WWOX: variants seen among roughly 807,000 people sequenced by gnomAD.
WWOX encodes WW domain-containing oxidoreductase.
Under a neutral mutation model 46.2 loss-of-function variants are expected in WWOX, and 69 were observed. The ratio of observed to expected loss-of-function variants is 1.49; its 90% CI spans 1.23 to 1.82. The LOEUF (loss-of-function observed/expected upper bound fraction) is 1.82. Ranked by LOEUF, WWOX falls within the 40% of genes most tolerant of loss-of-function variation. The pLI is 0.00. For missense variants in WWOX, 919 were observed against 542.6 expected (o/e 1.69, Z -6.89); for synonymous variants, 359 against 202.6 (o/e 1.77, Z -6.56).
chr16:78,515,548 C>T (rs1423198881), intron 8 of WWOX, among the ~76,000 whole-genome samples: 1 of 152,142 alleles, frequency 6.6e-6, no homozygotes, highest in Non-Finnish European at 1.5e-5. Flanking sequence ...TGTCTATGAA[C>T]GTTTTTAGAA....
At chr16:78,551,497 C>G (rs1000293572) in intron 8 of WWOX, 2 of 152,290 alleles carry the variant, frequency 1.3e-5, no homozygotes, top group Admixed American at 6.5e-5. Flanking sequence ...TGCAGGGAGG[C>G]TGGGCTAAGG....
At chr16:79,207,057 A>T (rs1335684010) in intron 8 of WWOX, among the ~76,000 whole-genome samples, 1 of 152,158 alleles carries the variant, frequency 6.6e-6, no homozygotes, top group Non-Finnish European at 1.5e-5. Flanking sequence ...GAGAGTGGTT[A>T]TAGCCTCTCC....
At chr16:78,928,086 C>T (rs74995582) in intron 8 of WWOX, among the ~76,000 whole-genome samples, 2 of 152,050 alleles carry the variant, frequency 1.3e-5, no homozygotes, top group African/African-American at 2.4e-5. Flanking sequence ...GTCGCCTGGA[C>T]TTCAAAAGCC....
intron 8 of WWOX, among the ~76,000 whole-genome samples, chr16:79,055,041 A>G (rs896457646): frequency 6.6e-6 from 1 of 152,218 alleles, no homozygotes; most frequent in African/African-American, 2.4e-5. Context: ...TGGAGTTTAT[A>G]TATTTCGTCA....
chr16:78,558,606 T>G (rs1341802826), intron 8 of WWOX, among the ~76,000 whole-genome samples: 1 of 152,244 alleles, frequency 6.6e-6, no homozygotes, highest in African/African-American at 2.4e-5. Flanking sequence ...TGGAGATTTC[T>G]GTTATGCTCA....
At chr16:78,703,124 G>A (rs2142301040) in intron 8 of WWOX, among the ~76,000 whole-genome samples, 1 of 152,270 alleles carries the variant, frequency 6.6e-6, no homozygotes, top group South Asian at 2.1e-4. Context: ...TTAGTCAGGA[G>A]GCAAATCAAG....
At chr16:78,446,465 T>G (rs139142218) in intron 8 of WWOX, among the ~76,000 whole-genome samples, 1 of 152,260 alleles carries the variant, frequency 6.6e-6, no homozygotes, top group African/African-American at 2.4e-5. Context: ...CTGGAAAGAC[T>G]TGGAAGCATT....
intron 5 of WWOX, among the ~76,000 whole-genome samples, chr16:78,176,112 A>G (rs1049225847): frequency 1.3e-5 from 2 of 152,354 alleles, no homozygotes; most frequent in Non-Finnish European, 2.9e-5. Flanking sequence ...TATTGAAGGC[A>G]GAATCTTCCT....
intron 8 of WWOX, among the ~76,000 whole-genome samples, chr16:78,722,600 A>G (rs1357801807): frequency 6.6e-6 from 1 of 151,554 alleles, no homozygotes; most frequent in Non-Finnish European, 1.5e-5. Flanking sequence ...TGTGATGACT[A>G]TGTGAGCTTA....
chr16:78,290,864 A>G (rs1260377562), intron 5 of WWOX, among the ~76,000 whole-genome samples: 1 of 152,196 alleles, frequency 6.6e-6, no homozygotes, highest in African/African-American at 2.4e-5. Flanking sequence ...TCATAGGAGA[A>G]AGTTATGAGA....
At chr16:78,914,339 A>T (rs560456623) in intron 8 of WWOX, among the ~76,000 whole-genome samples, 1 of 152,180 alleles carries the variant, frequency 6.6e-6, no homozygotes, top group East Asian at 1.9e-4. Context: ...TGTCTTCAGC[A>T]CTTAGAACAG....
At chr16:79,009,211 G>A (rs547938638) in intron 8 of WWOX, among the ~76,000 whole-genome samples, 1 of 152,208 alleles carries the variant, frequency 6.6e-6, no homozygotes, top group Non-Finnish European at 1.5e-5. Flanking sequence ...GGAAGATGAT[G>A]TGAATGCCAG....
intron 8 of WWOX, among the ~76,000 whole-genome samples, chr16:78,631,949 G>C (rs1482610794): frequency 6.7e-6 from 1 of 148,718 alleles, no homozygotes; most frequent in Non-Finnish European, 1.5e-5. Flanking sequence ...AGTGATTGGA[G>C]GTGGTTTATT....
chr16:78,994,916 G>A (rs1265152650), intron 8 of WWOX, among the ~76,000 whole-genome samples: 2 of 151,302 alleles, frequency 1.3e-5, no homozygotes, highest in East Asian at 3.9e-4. Flanking sequence ...ACACTGGAAG[G>A]GCAAATGAGG....
At chr16:78,790,044 A>T (rs1451651942) in intron 8 of WWOX, among the ~76,000 whole-genome samples, 1 of 152,226 alleles carries the variant, frequency 6.6e-6, no homozygotes, top group Non-Finnish European at 1.5e-5. Flanking sequence ...AATATTATTC[A>T]TGTAAGGCTC....
At chr16:78,947,616 C>A (rs1298755266) in intron 8 of WWOX, among the ~76,000 whole-genome samples, 1 of 152,198 alleles carries the variant, frequency 6.6e-6, no homozygotes, top group East Asian at 1.9e-4. Flanking sequence ...CCACGCCACA[C>A]TGTGGTCAGA....
chr16:78,398,780 C>T (rs1397984083), intron 6 of WWOX, among the ~76,000 whole-genome samples: 1 of 152,212 alleles, frequency 6.6e-6, no homozygotes, highest in African/African-American at 2.4e-5. Flanking sequence ...GGAAAGGATA[C>T]TAACACCACT....
At chr16:78,401,270 A>G (rs1412839510) in intron 6 of WWOX, among the ~76,000 whole-genome samples, 1 of 147,618 alleles carries the variant, frequency 6.8e-6, no homozygotes, top group African/African-American at 2.6e-5. Flanking sequence ...AAGATAGTAA[A>G]TTAACAAAGT....
chr16:78,783,876 CGAT>C (rs1567557063), intron 8 of WWOX, among the ~76,000 whole-genome samples: 2 of 89,202 alleles, frequency 2.2e-5, no homozygotes, highest in African/African-American at 4.8e-5. Context: ...ATGGTGATGA[CGAT>C]GATAATGGTG....
Sources: gnomAD v4.1 joint callset for allele counts (sites outside exome capture counted in the v4.1 genomes callset) on GRCh38, gnomAD v4.1.1 for gene constraint, MANE v1.5 for transcripts, NCBI Gene and HGNC (gene_info 2026-07-23, HGNC 2026-07-21) for gene names.